Variants in SCN2A observed in about 807,000 individuals in gnomAD.
SCN2A encodes the protein sodium channel protein type 2 subunit alpha.
SCN2A carries 20 observed loss-of-function variants against 188.7 expected under a neutral mutation model. The ratio of observed to expected loss-of-function variants is 0.11; its 90% CI spans 0.07 to 0.15. SCN2A has a LOEUF of 0.15. Among genes scored for constraint, SCN2A ranks in the 10% least tolerant of loss-of-function variants. The pLI, the probability that SCN2A is intolerant of heterozygous loss-of-function variation, is 1.00. For synonymous variants in SCN2A, 804 were observed against 833.1 expected (o/e 0.97, Z 0.60); for missense variants, 1,278 against 2,445.0 (o/e 0.52, Z 10.07).
intron 17 of SCN2A, among the ~76,000 whole-genome samples, chr2:165,359,972 C>T (rs1318365235): frequency 1.3e-5 from 2 of 151,834 alleles, no homozygotes; most frequent in African/African-American, 4.8e-5. Context: ...ATATAGTATA[C>T]TGTGAGTAAT....
At chr2:165,310,679 A>G in intron 7 of SCN2A, 84 bp downstream of exon 7, 1 of 1,003,196 alleles carries the variant, frequency 1.0e-6, no homozygotes, top group Non-Finnish European at 1.4e-6. Flanking sequence ...CTCAATTTAG[A>G]TGTGAATCAA....
chr2:165,327,773 T>C (rs1421183297), intron 13 of SCN2A: 5 of 152,222 alleles, frequency 3.3e-5, no homozygotes, highest in African/African-American at 1.2e-4. Context: ...ATATTATCAA[T>C]ATTAGTTGTT....
chr2:165,243,228 A>G (rs1420203933), intron 1 of SCN2A, among the ~76,000 whole-genome samples: 1 of 152,172 alleles, frequency 6.6e-6, no homozygotes, highest in African/African-American at 2.4e-5. Context: ...GTTTGCCAGT[A>G]TCTAAATTAA....
At chr2:165,344,177 C>T (rs1699448248) in intron 15 of SCN2A, among the ~76,000 whole-genome samples, 1 of 152,046 alleles carries the variant, frequency 6.6e-6, no homozygotes, top group Admixed American at 6.6e-5. Context: ...TTTGGTGTAT[C>T]TTATTAAACT....
intron 3 of SCN2A, among the ~76,000 whole-genome samples, chr2:165,302,443 A>G (rs192445780): frequency 6.6e-6 from 1 of 152,342 alleles, no homozygotes; most frequent in African/African-American, 2.4e-5. Flanking sequence ...TATATAGGTT[A>G]AAAACTCCTC....
chr2:165,260,482 A>G (rs951019096), intron 1 of SCN2A, among the ~76,000 whole-genome samples: 3 of 152,150 alleles, frequency 2.0e-5, no homozygotes, highest in Non-Finnish European at 4.4e-5. Flanking sequence ...TTCAGACTTT[A>G]TTGTTTCATT....
chr2:165,364,321 A>C (rs147045845), intron 17 of SCN2A, among the ~76,000 whole-genome samples: 2 of 152,150 alleles, frequency 1.3e-5, no homozygotes, highest in East Asian at 3.9e-4. Flanking sequence ...GGATCCCTTC[A>C]TGTATGCTGA....
chr2:165,373,872 TC>T (rs1353291555), intron 21 of SCN2A, among the ~76,000 whole-genome samples: 9 of 152,164 alleles, frequency 5.9e-5, no homozygotes, highest in Admixed American at 5.2e-4. Context: ...ACATTTGTCG[TC>T]CCCTGAGGCA....
intron 20 of SCN2A, chr2:165,370,858 G>A (rs1700988790): frequency 6.5e-6 from 1 of 154,642 alleles, no homozygotes; most frequent in South Asian, 2.0e-4. Flanking sequence ...AAAATATGAG[G>A]GTTTTTATAT....
At chr2:165,309,129 C>T (rs193054811) in intron 5 of SCN2A, 36 of 1,605,324 alleles carry the variant, frequency 2.2e-5, no homozygotes, top group African/African-American at 1.5e-4. Context: ...ACGTAGATTT[C>T]CCTAAATTCT....
chr2:165,344,022 G>T (rs955643866), intron 15 of SCN2A, among the ~76,000 whole-genome samples: 1 of 152,046 alleles, frequency 6.6e-6, no homozygotes, highest in African/African-American at 2.4e-5. Context: ...AACTATATCT[G>T]CTTTGGCCTT....
intron 22 of SCN2A, among the ~76,000 whole-genome samples, chr2:165,376,777 T>G (rs978208579): frequency 1.3e-5 from 2 of 151,852 alleles, no homozygotes. Context: ...AATAGGAAAA[T>G]TGCTCTCTTG....
intron 3 of SCN2A, among the ~76,000 whole-genome samples, chr2:165,297,553 T>C (rs1350798385): frequency 6.6e-6 from 1 of 152,260 alleles, no homozygotes; most frequent in East Asian, 1.9e-4. Context: ...ATTACAATTT[T>C]GTATGTTTTT....
chr2:165,313,066 C>T (rs944241229), intron 8 of SCN2A, among the ~76,000 whole-genome samples: 3 of 152,210 alleles, frequency 2.0e-5, no homozygotes, highest in South Asian at 4.1e-4. Context: ...TTCTCACATG[C>T]GAGGTGCCTG....
At chr2:165,378,962 C>G (rs1322770085) in intron 23 of SCN2A, among the ~76,000 whole-genome samples, 1 of 151,524 alleles carries the variant, frequency 6.6e-6, no homozygotes, top group East Asian at 1.9e-4. Context: ...CCAAGTTTTA[C>G]CAAGGATAAA....
intron 16 of SCN2A, among the ~76,000 whole-genome samples, chr2:165,349,115 AAAGAT>A (rs1196162945): frequency 3.9e-5 from 6 of 152,366 alleles, no homozygotes; most frequent in African/African-American, 1.2e-4. Context: ...GAAACAAAGA[AAAGAT>A]AATATAATTA....
At chr2:165,351,573 CA>C (rs11286913) in intron 16 of SCN2A, among the ~76,000 whole-genome samples, 85,988 of 145,304 alleles carry the variant, frequency 0.59, 24,734 homozygotes, top group Admixed American at 0.65. Flanking sequence ...GTTAGACTTT[CA>C]AAAAAAAAAA....
At position 165,388,786 on chromosome 2, in the gene SCN2A, G is replaced by A; in HGVS notation, c.4980G>A (p.Leu1660=). The change falls in exon 27 of 27, where the codon TTG becomes TTA. Residue 1660 remains leucine (L), a synonymous_variant. Transcript: ENST00000375437. ...CTTTGATGATGTCCCTTCCTGCGTT[G>A]TTTAACATCGGCCTCCTTCTTTTCC... The part of the protein sequence containing the change: ...LFALMMSLPA[L]FNIGLLLFLV... 6.2e-7 allele frequency: 1 copy of A among 1,614,098 alleles called. No homozygotes were observed. The highest frequency in any genetic ancestry group is 8.5e-7 in the Non-Finnish European group (1 of 1,179,994).
rs2075704 is a variant in SCN2A, at chr2:165,295,675, A to G, written c.-51-98A>G. The G allele has an allele frequency of 0.82, 885,816 of 1,084,296 alleles. 363,658 individuals are homozygous for G. The highest frequency in any genetic ancestry group is 0.84 in the Non-Finnish European group (628,309 of 745,372). The allele number at this position is 1,084,296 out of a possible 1,614,324, so 67.2% of individuals were successfully genotyped here. A position where few individuals can be genotyped will look rare whatever the true frequency, so the allele number is the denominator to read the frequency against. ...TCTTTGAAAATATTATAGCTATCTG[A>G]GTTTCTATGCTGTATCTCAGTGCTC... On this transcript the variant is annotated intron_variant, in intron 1 of 26. Transcript: ENST00000375437.
Sources: gnomAD v4.1 joint callset for allele counts (sites outside exome capture counted in the v4.1 genomes callset) on GRCh38, gnomAD v4.1.1 for gene constraint, MANE v1.5 for transcripts, NCBI Gene and HGNC (gene_info 2026-07-23, HGNC 2026-07-21) for gene names.